HEMK2: variants seen among roughly 807,000 people sequenced by gnomAD.
HEMK2 encodes methyltransferase HEMK2.
At chr21:28,735,587 TAA>T in the HEMK2 span, among the ~76,000 whole-genome samples, 1 of 151,624 alleles carries the variant, frequency 6.6e-6, no homozygotes, top group Admixed American at 6.6e-5. Context: ...AACTCAGAAG[TAA>T]AAAGAGACAA....
At chr21:28,828,279 G>A in the HEMK2 span, among the ~76,000 whole-genome samples, 1 of 152,210 alleles carries the variant, frequency 6.6e-6, no homozygotes, top group Non-Finnish European at 1.5e-5. Context: ...GGAGGAAGGG[G>A]TGGAGCAGTG....
At chr21:28,816,828 C>A in the HEMK2 span, among the ~76,000 whole-genome samples, 1 of 152,246 alleles carries the variant, frequency 6.6e-6, no homozygotes, top group African/African-American at 2.4e-5. Flanking sequence ...ATGAACGGTG[C>A]ATCCAGGAGC....
the HEMK2 span, among the ~76,000 whole-genome samples, chr21:28,811,839 T>A: frequency 1.3e-5 from 2 of 152,330 alleles, no homozygotes; most frequent in South Asian, 2.1e-4. Context: ...TTCCACCACA[T>A]CTCCAACTGG....
the HEMK2 span, among the ~76,000 whole-genome samples, chr21:28,676,675 G>A: frequency 5.3e-5 from 8 of 152,106 alleles, no homozygotes; most frequent in African/African-American, 1.4e-4. Context: ...CTTCCTGGGT[G>A]GTACCCAGGA....
the HEMK2 span, among the ~76,000 whole-genome samples, chr21:28,594,434 G>A: frequency 6.6e-6 from 1 of 152,118 alleles, no homozygotes; most frequent in African/African-American, 2.4e-5. Flanking sequence ...CTGAGTGCAT[G>A]TTATATGGAA....
At chr21:28,720,796 A>G in the HEMK2 span, among the ~76,000 whole-genome samples, 37 of 152,278 alleles carry the variant, frequency 2.4e-4, no homozygotes, top group East Asian at 7.1e-3. Context: ...AGAAACTAAG[A>G]AAGTGTCATG....
the HEMK2 span, among the ~76,000 whole-genome samples, chr21:28,788,461 G>A: frequency 1.3e-5 from 2 of 151,904 alleles, no homozygotes; most frequent in Non-Finnish European, 2.9e-5. Context: ...ACTGATAAGT[G>A]GAAGCTAAGC....
At chr21:28,730,711 T>C in the HEMK2 span, among the ~76,000 whole-genome samples, 4 of 152,284 alleles carry the variant, frequency 2.6e-5, no homozygotes, top group South Asian at 2.1e-4. Flanking sequence ...CTTCCTTTTA[T>C]AGCAGGGCTC....
At chr21:28,615,404 C>G in the HEMK2 span, among the ~76,000 whole-genome samples, 2 of 150,320 alleles carry the variant, frequency 1.3e-5, no homozygotes, top group Non-Finnish European at 3.0e-5. Flanking sequence ...GTCGCTGTCT[C>G]TCTCTCTCTC....
At chr21:28,825,862 T>C in the HEMK2 span, among the ~76,000 whole-genome samples, 1 of 152,164 alleles carries the variant, frequency 6.6e-6, no homozygotes. Flanking sequence ...TCACCCTAAT[T>C]GTGCTCTTAG....
At chr21:28,651,255 C>A in the HEMK2 span, among the ~76,000 whole-genome samples, 3,552 of 152,256 alleles carry the variant, frequency 0.023, 146 homozygotes, top group African/African-American at 0.082. Context: ...CTTTTCCCCC[C>A]AGACTCCATG....
the HEMK2 span, among the ~76,000 whole-genome samples, chr21:28,689,967 T>C: frequency 1.3e-5 from 2 of 152,272 alleles, no homozygotes; most frequent in East Asian, 3.9e-4. Flanking sequence ...CTGGGTAATT[T>C]ATAAAGGAAA....
At chr21:28,761,705 C>T in the HEMK2 span, among the ~76,000 whole-genome samples, 8 of 151,814 alleles carry the variant, frequency 5.3e-5, no homozygotes, top group African/African-American at 1.7e-4. Flanking sequence ...GTCTCCTCCC[C>T]CATTTGCCAC....
the HEMK2 span, among the ~76,000 whole-genome samples, chr21:28,858,624 G>C: frequency 6.6e-6 from 1 of 151,972 alleles, no homozygotes; most frequent in Non-Finnish European, 1.5e-5. Flanking sequence ...GTGGGGAAAG[G>C]AGGGAAGGAA....
the HEMK2 span, among the ~76,000 whole-genome samples, chr21:28,853,745 G>A: frequency 6.6e-6 from 1 of 152,158 alleles, no homozygotes; most frequent in Non-Finnish European, 1.5e-5. Context: ...GGTTGGGGAG[G>A]GGATGTTGCC....
At chr21:28,717,498 G>C in the HEMK2 span, among the ~76,000 whole-genome samples, 1 of 26,444 alleles carries the variant, frequency 3.8e-5, no homozygotes, top group African/African-American at 2.3e-4. Flanking sequence ...TTTTTTTTTT[G>C]AGACGGAGTC....
chr21:28,624,953 T>C, the HEMK2 span, among the ~76,000 whole-genome samples: 4 of 152,360 alleles, frequency 2.6e-5, no homozygotes, highest in South Asian at 4.1e-4. Flanking sequence ...AAACTAGGGA[T>C]GAAAGGCAGA....
chr21:28,614,438 T>C, the HEMK2 span, among the ~76,000 whole-genome samples: 1 of 151,940 alleles, frequency 6.6e-6, no homozygotes, highest in African/African-American at 2.4e-5. Context: ...TATTGAAACC[T>C]GTCCATCAGA....
At chr21:28,811,904 A>C in the HEMK2 span, among the ~76,000 whole-genome samples, 1 of 152,186 alleles carries the variant, frequency 6.6e-6, no homozygotes, top group African/African-American at 2.4e-5. Context: ...CACATATCTA[A>C]AATAAAATTC....
Sources: gnomAD v4.1 joint callset for allele counts (sites outside exome capture counted in the v4.1 genomes callset) on GRCh38, gnomAD v4.1.1 for gene constraint, MANE v1.5 for transcripts, NCBI Gene and HGNC (gene_info 2026-07-23, HGNC 2026-07-21) for gene names.